Variants in CCSER1 observed in about 807,000 individuals in gnomAD.
CCSER1 encodes serine-rich coiled-coil domain-containing protein 1.
A neutral mutation model predicts 82.0 loss-of-function variants in CCSER1; 41 were observed. The observed-to-expected ratio is 0.50, with a 90% CI of 0.39 to 0.65. CCSER1 has a LOEUF of 0.65. CCSER1 is among the 30% of genes least tolerant of loss of function. The pLI, the probability that CCSER1 is intolerant of heterozygous loss-of-function variation, is 0.00. For missense variants in CCSER1, 1,119 were observed against 1,064.2 expected, an observed-to-expected ratio of 1.05 and a Z score of -0.72; for synonymous variants, 414 against 383.9, an observed-to-expected ratio of 1.08 and a Z score of -0.92.
At chr4:91,174,854 G>A (rs894278424) in intron 10 of CCSER1, among the ~76,000 whole-genome samples, 3 of 150,834 alleles carry the variant, frequency 2.0e-5, no homozygotes, top group Non-Finnish European at 4.4e-5. Flanking sequence ...TTAATTTCTA[G>A]GGTACATGTG....
intron 10 of CCSER1, among the ~76,000 whole-genome samples, chr4:91,311,335 T>C (rs1193127834): frequency 6.6e-6 from 1 of 151,964 alleles, no homozygotes; most frequent in African/African-American, 2.4e-5. Context: ...CCTACTGCTA[T>C]TGGCAAGAGC....
At chr4:91,483,668 T>G (rs1758066524) in intron 10 of CCSER1, among the ~76,000 whole-genome samples, 1 of 152,130 alleles carries the variant, frequency 6.6e-6, no homozygotes. Flanking sequence ...ACTCCTGACC[T>G]TAGGTGACCC....
chr4:90,532,797 G>A (rs935173249), intron 5 of CCSER1, among the ~76,000 whole-genome samples: 21 of 152,098 alleles, frequency 1.4e-4, no homozygotes, highest in Non-Finnish European at 2.1e-4. Context: ...TCTCTAGACC[G>A]TCCCACTATG....
At chr4:90,747,225 A>T (rs1161534056) in intron 7 of CCSER1, among the ~76,000 whole-genome samples, 1 of 152,192 alleles carries the variant, frequency 6.6e-6, no homozygotes, top group Non-Finnish European at 1.5e-5. Context: ...TTATTAACAA[A>T]CTTAATAATT....
At chr4:90,495,921 T>G (rs796880592) in intron 5 of CCSER1, among the ~76,000 whole-genome samples, 12 of 152,314 alleles carry the variant, frequency 7.9e-5, no homozygotes, top group African/African-American at 2.9e-4. Context: ...CAGTCAGACA[T>G]TAAAATGAAT....
intron 7 of CCSER1, among the ~76,000 whole-genome samples, chr4:90,777,673 C>T (rs1753119984): frequency 6.6e-6 from 1 of 151,704 alleles, no homozygotes. Flanking sequence ...TGTATATAGC[C>T]AGCAGGATTG....
chr4:90,462,231 A>T (rs146086194), intron 4 of CCSER1, among the ~76,000 whole-genome samples: 1,780 of 150,830 alleles, frequency 0.012, 15 homozygotes, highest in South Asian at 0.022. Flanking sequence ...CCAGTAAAAG[A>T]TATAAAGAAG....
At chr4:90,844,941 G>T (rs1349506831) in intron 8 of CCSER1, among the ~76,000 whole-genome samples, 1 of 152,132 alleles carries the variant, frequency 6.6e-6, no homozygotes, top group African/African-American at 2.4e-5. Flanking sequence ...CTGAAAGCTG[G>T]TATAGACAAT....
chr4:91,577,618 A>G (rs1763512462), intron 10 of CCSER1, among the ~76,000 whole-genome samples: 2 of 152,022 alleles, frequency 1.3e-5, no homozygotes, highest in East Asian at 3.9e-4. Context: ...AGGGTCTTGT[A>G]GAAACACCTT....
chr4:90,813,501 A>T lies in CCSER1; in HGVS notation c.2011-2261A>T, dbSNP rs529439386. On this transcript the variant is annotated intron_variant, in intron 7 of 10. Transcript: ENST00000509176. ...CTCAACTTGAATTGTATCTCCCAGA[A>T]TTCCCACATGTTGTGGGAGGAACCC... is the stretch of plus-strand genomic sequence containing the variant. Among the ~76,000 whole-genome samples, 3 of 152,292 alleles carry T rather than the reference A, an allele frequency of 2.0e-5. No homozygotes were observed. In the South Asian group the frequency reaches 6.2e-4, roughly 32 times the overall value.
Position 90,709,126 on chromosome 4 carries a change from T to G in CCSER1, c.1933-14788T>G, listed in dbSNP as rs891527232. ...GAAGTTATTTTTATATGATGGAAAT[T>G]TATTCATTCCATATAATGTAAACTT... On this transcript the variant is annotated intron_variant, in intron 6 of 10. Transcript: ENST00000509176. Among the ~76,000 whole-genome samples, 4 of 152,276 alleles carry G rather than the reference T, an allele frequency of 2.6e-5. No homozygotes were observed. The East Asian group carries it at 7.7e-4, about 29-fold the overall frequency.
intron 9 of CCSER1, among the ~76,000 whole-genome samples, chr4:91,033,180 T>C (rs1283235273): frequency 6.6e-6 from 1 of 152,058 alleles, no homozygotes; most frequent in Non-Finnish European, 1.5e-5. Flanking sequence ...CACAGATGGT[T>C]TAAATAAAGA....
intron 10 of CCSER1, among the ~76,000 whole-genome samples, chr4:91,387,696 T>C (rs1751383034): frequency 6.6e-6 from 1 of 151,862 alleles, no homozygotes; most frequent in Non-Finnish European, 1.5e-5. Flanking sequence ...TAGTAACTTA[T>C]AGATTAAGGG....
At chr4:91,095,417 C>T (rs981072316) in intron 10 of CCSER1, among the ~76,000 whole-genome samples, 1 of 152,164 alleles carries the variant, frequency 6.6e-6, no homozygotes, top group South Asian at 2.1e-4. Context: ...TTGCCACAGC[C>T]AGCAAATCAG....
chr4:91,182,784 G>A (rs1386706653), intron 10 of CCSER1, among the ~76,000 whole-genome samples: 1 of 152,198 alleles, frequency 6.6e-6, no homozygotes, highest in Non-Finnish European at 1.5e-5. Context: ...CACATTACAT[G>A]TACATAAACT....
At chr4:90,424,787 T>G (rs1374902329) in intron 4 of CCSER1, among the ~76,000 whole-genome samples, 1 of 152,208 alleles carries the variant, frequency 6.6e-6, no homozygotes, top group Non-Finnish European at 1.5e-5. Flanking sequence ...TTATCGGATG[T>G]CAATTATATG....
intron 1 of CCSER1, among the ~76,000 whole-genome samples, chr4:90,262,756 G>T (rs72659488): frequency 2.1e-4 from 32 of 152,216 alleles, no homozygotes; most frequent in Non-Finnish European, 4.4e-4. Flanking sequence ...TAGGAAATCT[G>T]TCTACCTCCC....
intron 6 of CCSER1, among the ~76,000 whole-genome samples, 177 bp from the exon 7 acceptor site, chr4:90,723,737 G>A (rs1743120632): frequency 6.6e-6 from 1 of 151,784 alleles, no homozygotes; most frequent in Non-Finnish European, 1.5e-5. Context: ...AATCATTTCT[G>A]TATAAGGAAT....
chr4:90,336,458 T>C (rs1740414346), intron 3 of CCSER1, among the ~76,000 whole-genome samples: 3 of 152,312 alleles, frequency 2.0e-5, no homozygotes, highest in South Asian at 4.1e-4. Context: ...TAATAGACTA[T>C]TGAATCTCAA....
Sources: gnomAD v4.1 joint callset for allele counts (sites outside exome capture counted in the v4.1 genomes callset) on GRCh38, gnomAD v4.1.1 for gene constraint, MANE v1.5 for transcripts, NCBI Gene and HGNC (gene_info 2026-07-23, HGNC 2026-07-21) for gene names.